Variants in ARHGAP42 observed in about 807,000 individuals in gnomAD.
ARHGAP42 encodes rho GTPase-activating protein 42.
In ARHGAP42, 63 loss-of-function variants were observed where a neutral mutation model predicts 125.0. The observed-to-expected ratio is 0.50, with a 90% confidence interval of 0.41 to 0.62. ARHGAP42 has a LOEUF of 0.62. ARHGAP42 is among the 20% of genes least tolerant of loss of function. ARHGAP42 has a pLI of 0.00. For missense variants in ARHGAP42, 766 were observed against 1,024.2 expected, an observed-to-expected ratio of 0.75 and a Z score of 3.44; for synonymous variants, 339 against 351.0, an observed-to-expected ratio of 0.97 and a Z score of 0.38.
intron 1 of ARHGAP42, among the ~76,000 whole-genome samples, chr11:100,749,596 C>G (rs537354657): frequency 6.6e-6 from 1 of 152,314 alleles, no homozygotes; most frequent in South Asian, 2.1e-4. Context: ...GCACACTTCC[C>G]ACTCGTGTTG....
rs1292985235 is a variant in ARHGAP42, at chr11:100,992,486, A to G, written c.*3685A>G. On this transcript the variant is annotated 3_prime_UTR_variant, in exon 24 of 24. Coordinates refer to ENST00000298815, the MANE Select transcript of ARHGAP42 (RefSeq NM_152432.4). Reference sequence around the variant, plus strand: ...CCCTTTTTTGTTACCTTCCAAAATCAAGACACTTTTAAGAAACAAAGATAG... The same window carrying G: ...CCCTTTTTTGTTACCTTCCAAAATCGAGACACTTTTAAGAAACAAAGATAG... The G allele has an allele frequency of 6.2e-7, 1 of 1,614,004 alleles. No individual in the cohort carries two copies. Among genetic ancestry groups the G allele is most frequent in the East Asian group, 2.2e-5 (1 of 44,894 alleles).
At chr11:100,861,909 TAG>T (rs1218669297) in intron 4 of ARHGAP42, among the ~76,000 whole-genome samples, 1 of 151,986 alleles carries the variant, frequency 6.6e-6, no homozygotes, top group Non-Finnish European at 1.5e-5. Flanking sequence ...TGAGAAAGAA[TAG>T]AGTGAGACGG....
At chr11:100,921,749 G>A in intron 6 of ARHGAP42, 145 bp downstream of exon 6, 1 of 572,804 alleles carries the variant, frequency 1.7e-6, no homozygotes. Context: ...AAAAAGTGGA[G>A]CACAGGGAAC....
intron 19 of ARHGAP42, among the ~76,000 whole-genome samples, chr11:100,975,551 T>C (rs1474667645): frequency 6.6e-6 from 1 of 152,184 alleles, no homozygotes; most frequent in African/African-American, 2.4e-5. Context: ...TACTTGTAAT[T>C]TACTACTGAC....
chr11:100,852,170 T>C (rs1865218830), intron 3 of ARHGAP42, among the ~76,000 whole-genome samples: 4 of 152,134 alleles, frequency 2.6e-5, no homozygotes, highest in African/African-American at 9.7e-5. Context: ...TTCTCCCCCA[T>C]TAATGCACAA....
intron 4 of ARHGAP42, among the ~76,000 whole-genome samples, chr11:100,880,742 A>G (rs1327065980): frequency 6.6e-6 from 1 of 152,236 alleles, no homozygotes; most frequent in East Asian, 1.9e-4. Flanking sequence ...TTTTCACTGC[A>G]TCCATGCCAA....
chr11:100,868,673 T>C (rs535442282), intron 4 of ARHGAP42, among the ~76,000 whole-genome samples: 10 of 152,316 alleles, frequency 6.6e-5, no homozygotes, highest in Non-Finnish European at 1.0e-4. Context: ...TGAGCTCATT[T>C]GGACAGTGAG....
At chr11:100,975,991 T>G in intron 19 of ARHGAP42, 66 bp from the exon 20 acceptor site, 2 of 1,437,862 alleles carry the variant, frequency 1.4e-6, no homozygotes, top group Non-Finnish European at 1.8e-6. Flanking sequence ...AACAGAAGGG[T>G]TTTGGTGATG....
intron 3 of ARHGAP42, among the ~76,000 whole-genome samples, chr11:100,806,155 A>G (rs1863985021): frequency 6.6e-6 from 1 of 152,200 alleles, no homozygotes; most frequent in South Asian, 2.1e-4. Flanking sequence ...TAAATTTTTG[A>G]CATGTAAGAT....
chr11:100,759,347 T>G (rs1340796864), intron 1 of ARHGAP42, among the ~76,000 whole-genome samples: 2 of 152,174 alleles, frequency 1.3e-5, no homozygotes, highest in Non-Finnish European at 2.9e-5. Flanking sequence ...GGCAAGCCTG[T>G]GTCTAGGCAC....
At chr11:100,888,613 A>G (rs1866151131) in intron 4 of ARHGAP42, among the ~76,000 whole-genome samples, 1 of 152,212 alleles carries the variant, frequency 6.6e-6, no homozygotes, top group Non-Finnish European at 1.5e-5. Flanking sequence ...TCCCATTTTT[A>G]TTATTAAAAA....
intron 8 of ARHGAP42, among the ~76,000 whole-genome samples, chr11:100,939,311 A>C: frequency 6.6e-6 from 1 of 152,020 alleles, no homozygotes; most frequent in East Asian, 1.9e-4. Context: ...CAAGAATTAG[A>C]GATGTCATAT....
chr11:100,858,789 C>A (rs985279699), intron 3 of ARHGAP42, among the ~76,000 whole-genome samples: 4 of 151,852 alleles, frequency 2.6e-5, no homozygotes, highest in African/African-American at 7.3e-5. Context: ...TAAACTGGGC[C>A]TCCTCTTTAT....
At chr11:100,753,843 C>T (rs1400544797) in intron 1 of ARHGAP42, among the ~76,000 whole-genome samples, 11 of 152,246 alleles carry the variant, frequency 7.2e-5, no homozygotes, top group African/African-American at 2.4e-4. Flanking sequence ...TCCTCTCTCA[C>T]ACTCTGGAGA....
At chr11:100,800,269 G>A (rs1863819438) in intron 3 of ARHGAP42, among the ~76,000 whole-genome samples, 1 of 152,112 alleles carries the variant, frequency 6.6e-6, no homozygotes, top group Non-Finnish European at 1.5e-5. Flanking sequence ...CGAGGCAGGA[G>A]GTTATTGATA....
intron 2 of ARHGAP42, among the ~76,000 whole-genome samples, chr11:100,779,346 G>T (rs1053999833): frequency 6.6e-6 from 1 of 150,466 alleles, no homozygotes; most frequent in Non-Finnish European, 1.5e-5. Flanking sequence ...TCGAGAGGCT[G>T]AGGGAGGAGA....
chr11:100,883,627 G>A (rs1354319705), intron 4 of ARHGAP42, among the ~76,000 whole-genome samples: 1 of 152,152 alleles, frequency 6.6e-6, no homozygotes, highest in East Asian at 1.9e-4. Flanking sequence ...ACAGGTGTGA[G>A]CCACCATCCC....
chr11:100,990,156 G>T lies in ARHGAP42; in HGVS notation c.*1355G>T, dbSNP rs1365062515. On this transcript the variant is annotated 3_prime_UTR_variant, in exon 24 of 24. Coordinates refer to ENST00000298815, the MANE Select transcript of ARHGAP42 (RefSeq NM_152432.4). ...TTCTATAAATGTAATATCTGTATGT[G>T]GCAAAGAGCCTTTCTTCTCAAGATC... 1 of 151,996 alleles carries T rather than the reference G, an allele frequency of 6.6e-6. No individual in the cohort carries two copies. Among genetic ancestry groups the T allele is most frequent in the Non-Finnish European group, 1.5e-5 (1 of 68,014 alleles). 9.4% of individuals were successfully genotyped at this position (151,996 alleles called of 1,614,324 possible).
intron 12 of ARHGAP42, among the ~76,000 whole-genome samples, chr11:100,956,563 A>T (rs1857810299): frequency 6.9e-6 from 1 of 144,788 alleles, no homozygotes; most frequent in Non-Finnish European, 1.5e-5. Context: ...AATGTGTATC[A>T]CATGACCAAG....
Sources: gnomAD v4.1 joint callset for allele counts (sites outside exome capture counted in the v4.1 genomes callset) on GRCh38, gnomAD v4.1.1 for gene constraint, MANE v1.5 for transcripts, NCBI Gene and HGNC (gene_info 2026-07-23, HGNC 2026-07-21) for gene names.